The following RNPS1 variants were observed in gnomAD, a reference collection of about 807,000 sequenced individuals.
RNPS1 encodes the protein RNA binding protein with serine rich domain 1, also known as RNA-binding protein with serine-rich domain 1.
For synonymous variants in RNPS1, 147 were observed against 150.0 expected (o/e 0.98, Z 0.15); for missense variants, 300 against 427.6 (o/e 0.70, Z 2.63).
intron 4 of RNPS1, 52 bp from the exon 5 acceptor site, chr16:2,262,894 C>T: frequency 2.0e-6 from 3 of 1,516,640 alleles, no homozygotes; most frequent in Non-Finnish European, 1.8e-6. Context: ...TCAAAATGTA[C>T]TAGACGCCTT....
chr16:2,267,404 T>C (rs1596818195), intron 1 of RNPS1: 1 of 981,736 alleles, frequency 1.0e-6, no homozygotes, highest in Non-Finnish European at 1.2e-6. Flanking sequence ...AACTTAACCT[T>C]CCCGTATCCG....
At chr16:2,260,678 T>G (rs2093599476) in intron 6 of RNPS1, among the ~76,000 whole-genome samples, 1 of 152,154 alleles carries the variant, frequency 6.6e-6, no homozygotes, top group Non-Finnish European at 1.5e-5. Context: ...GGGCTTGGGT[T>G]TAAAAAGGTA....
At chr16:2,260,345 G>A (rs1032838436) in intron 6 of RNPS1, among the ~76,000 whole-genome samples, 5 of 151,736 alleles carry the variant, frequency 3.3e-5, no homozygotes, top group East Asian at 3.9e-4. Context: ...TATTAGAGAC[G>A]GGGTTTCACG....
rs933422513 is a variant in RNPS1, at chr16:2,263,221, G to A, written c.294C>T (p.Ser98=). 2.5e-6 allele frequency: 4 copies of A among 1,613,614 alleles called. No homozygotes were observed. Among genetic ancestry groups the A allele is most frequent in the African/African-American group, 1.3e-5 (1 of 75,010 alleles). The change falls in exon 4 of 8, where the codon AGC becomes AGT. Residue 98 remains serine (S), a synonymous_variant. Transcript: ENST00000320225. ...CTGAGCGGCTGGATGCTGAGGAAGA[G>A]CTGGAGCCACTGCTTGAGCCAGTGC... ...STSTGSSSGS[S]SSSASSRSGS...
At chr16:2,262,606 G>C (rs1011682883) in intron 5 of RNPS1, 134 bp downstream of exon 5, 1 of 957,596 alleles carries the variant, frequency 1.0e-6, no homozygotes, top group South Asian at 1.5e-5. Flanking sequence ...CCACCAAGAG[G>C]AACGAATCAA....
chr16:2,263,580 G>A (rs910600685), intron 3 of RNPS1, among the ~76,000 whole-genome samples: 1 of 152,188 alleles, frequency 6.6e-6, no homozygotes, highest in Non-Finnish European at 1.5e-5. Context: ...TGCCAACTCA[G>A]GCTGGGAAGG....
At chr16:2,262,250 G>A (rs368156946) in intron 6 of RNPS1, 28 bp downstream of exon 6, 1 of 1,608,098 alleles carries the variant, frequency 6.2e-7, no homozygotes, top group Non-Finnish European at 8.5e-7. Flanking sequence ...TCTCTGAGAG[G>A]TCAGGGTTAT....
At chr16:2,267,458 C>G (rs752356101) in intron 1 of RNPS1, 219 of 964,682 alleles carry the variant, frequency 2.3e-4, no homozygotes, top group Non-Finnish European at 2.6e-4. Flanking sequence ...CCACCGTGCT[C>G]GGTCCATAGT....
At chr16:2,267,047 G>A (rs759424263) in intron 1 of RNPS1, 15 of 456,286 alleles carry the variant, frequency 3.3e-5, no homozygotes, top group Non-Finnish European at 4.0e-5. Flanking sequence ...CTGCCCGAAT[G>A]TACTTGGTGA....
At chr16:2,257,966 G>C (rs1451166190) in intron 6 of RNPS1, 1 of 152,226 alleles carries the variant, frequency 6.6e-6, no homozygotes, top group Admixed American at 6.5e-5. Flanking sequence ...ACAGCAGCAG[G>C]GAGTGGAGCA....
intron 7 of RNPS1, 117 bp from the exon 8 acceptor site, chr16:2,254,180 G>C (rs2093565950): frequency 1.4e-6 from 1 of 732,242 alleles, no homozygotes; most frequent in South Asian, 2.1e-5. Context: ...TCTGTCTCCA[G>C]GCCAGAGTGC....
At chr16:2,261,776 C>A (rs553905981) in intron 6 of RNPS1, among the ~76,000 whole-genome samples, 7 of 152,258 alleles carry the variant, frequency 4.6e-5, no homozygotes, top group African/African-American at 1.7e-4. Context: ...AGAAAACTCC[C>A]CAAACTGCTG....
chr16:2,254,442 C>T (rs1028345046), intron 7 of RNPS1, among the ~76,000 whole-genome samples: 25 of 152,054 alleles, frequency 1.6e-4, no homozygotes, highest in African/African-American at 4.1e-4. Flanking sequence ...TACAGGCACA[C>T]GCCACCACGC....
chr16:2,267,868 C>A (rs368028100), intron 1 of RNPS1, 187 bp downstream of exon 1: 2 of 1,517,612 alleles, frequency 1.3e-6, no homozygotes, highest in African/African-American at 1.4e-5. Flanking sequence ...CACTTCCGGG[C>A]CACGGCCTCG....
intron 6 of RNPS1, among the ~76,000 whole-genome samples, chr16:2,259,100 G>A (rs1262853866): frequency 7.2e-6 from 1 of 139,182 alleles, no homozygotes; most frequent in Non-Finnish European, 1.5e-5. Flanking sequence ...TCCAGCCTGG[G>A]CAACAAGAGC....
At chr16:2,264,073 T>C (rs1363895984) in intron 3 of RNPS1, 103 bp downstream of exon 3, 14 of 1,366,160 alleles carry the variant, frequency 1.0e-5, no homozygotes, top group Non-Finnish European at 1.4e-5. Context: ...AATCAGAGGA[T>C]GTGTTTTCTT....
chr16:2,263,261 G>A lies in RNPS1; in HGVS notation c.254C>T (p.Ser85Leu). The A allele has an allele frequency of 1.9e-6, 3 of 1,613,862 alleles. No homozygotes were observed. Among genetic ancestry groups the A allele is most frequent in the East Asian group, 4.5e-5 (2 of 44,866 alleles). The stretch of plus-strand genomic sequence containing the variant: ...TGAGCCAGTGCTGGTGCTGGAGCCT[G>A]AGCTGGAAGTCGAGCTGGACCGAGA... ...TRSRSSSTSS[S>L]GSSTSTGSSS... Residue 85 changes from serine (S) to leucine (L), a missense_variant, in exon 4 of 8, where the codon TCA (serine) becomes TTA (leucine). Coordinates refer to ENST00000320225, the MANE Select transcript of RNPS1 (RefSeq NM_080594.4).
At chr16:2,258,126 A>T (rs2141552501) in intron 6 of RNPS1, 1 of 152,364 alleles carries the variant, frequency 6.6e-6, no homozygotes, top group East Asian at 1.9e-4. Flanking sequence ...GTGTTTAAGA[A>T]ATAAACTGTA....
At position 2,267,982 on chromosome 16, in the gene RNPS1, T is replaced by G. The variant is rs929098201; in HGVS notation, c.-118+73A>C. On this transcript the variant is annotated intron_variant, in intron 1 of 7. Coordinates refer to ENST00000320225, the MANE Select transcript of RNPS1 (RefSeq NM_080594.4). ...TGCGGGGCTGAGGAGTGGACCGGCT[T>G]CACGAGGCGTCCTGCCGGGCCTGCC... 1.4e-5 allele frequency: 21 copies of G among 1,533,182 alleles called. No individual in the cohort carries two copies. The African/African-American group carries it at 2.5e-4, about 18-fold the overall frequency. 95.0% of individuals were successfully genotyped at this position (1,533,182 alleles called of 1,614,324 possible).
Sources: gnomAD v4.1 joint callset for allele counts (sites outside exome capture counted in the v4.1 genomes callset) on GRCh38, gnomAD v4.1.1 for gene constraint, MANE v1.5 for transcripts, NCBI Gene and HGNC (gene_info 2026-07-23, HGNC 2026-07-21) for gene names.